Variants in RBM5 observed in about 807,000 individuals in gnomAD.
RBM5 encodes RNA-binding protein 5.
RBM5 carries 15 observed loss-of-function variants against 124.6 expected under a neutral mutation model. The ratio of observed to expected loss-of-function variants is 0.12; its 90% confidence interval spans 0.08 to 0.19. The LOEUF is 0.19. Among genes scored for constraint, RBM5 ranks in the 10% least tolerant of loss-of-function variants. RBM5 has a pLI of 1.00. For missense variants in RBM5, 580 were observed against 1,026.5 expected, an observed-to-expected ratio of 0.57 and a Z score of 5.94; for synonymous variants, 337 against 361.2, an observed-to-expected ratio of 0.93 and a Z score of 0.76.
rs2090916498 is a variant in RBM5, at chr3:50,100,412, G to A, written c.410-120G>A. ...AAGATCCCCAAGTCAAGTCACATTT[G>A]TAAAGCTGCTTCCCAATTGGCTTTG... On this transcript the variant is annotated intron_variant, in intron 5 of 24. Coordinates refer to ENST00000347869, the MANE Select transcript of RBM5 (RefSeq NM_005778.4). The surrounding 1 kb of genome is among the most constrained non-coding windows in gnomAD (Gnocchi z 5.1). 1.2e-6 allele frequency: 1 copy of A among 833,408 alleles called. No individual in the cohort carries two copies. The highest frequency in any genetic ancestry group is 1.8e-5 in the South Asian group (1 of 55,222). The allele number at this position is 833,408 out of a possible 1,614,324, so 51.6% of individuals were successfully genotyped here. A position where few individuals can be genotyped will look rare whatever the true frequency, so the allele number is the denominator to read the frequency against.
chr3:50,109,582 A>G, intron 14 of RBM5, 21 bp from the exon 15 acceptor site: 1 of 1,607,482 alleles, frequency 6.2e-7, no homozygotes, highest in Non-Finnish European at 8.5e-7. Context: ...GGCTTTCCCT[A>G]ACACTTGTGT....
intron 12 of RBM5, 49 bp from the exon 13 acceptor site, chr3:50,108,021 T>C (rs768624958): frequency 2.2e-4 from 336 of 1,495,728 alleles, no homozygotes; most frequent in Non-Finnish European, 3.0e-4. Flanking sequence ...TGAATTTTTT[T>C]CCTTAATGCC....
Position 50,106,832 on chromosome 3 carries a change from T to G in RBM5, c.921T>G (p.Thr307=). 2 of 1,612,872 alleles carry G rather than the reference T, an allele frequency of 1.2e-6. No individual in the cohort carries two copies. Among genetic ancestry groups the G allele is most frequent in the Non-Finnish European group, 1.7e-6 (2 of 1,178,816 alleles). ...LHPPLKIDGK[T]IGVDFAKSAR... Reference sequence around the variant, plus strand: ...CTCCTTTGAAAATTGATGGCAAAACTATTGGGGTTGATTTTGCAAAAAGTG... The same window carrying G: ...CTCCTTTGAAAATTGATGGCAAAACGATTGGGGTTGATTTTGCAAAAAGTG... The change falls in exon 11 of 25, where the codon ACT becomes ACG. Residue 307 remains threonine, a synonymous_variant. Coordinates refer to ENST00000347869, the MANE Select transcript of RBM5 (RefSeq NM_005778.4).
rs1361013325 is a variant in RBM5, at chr3:50,118,397, G to A, written c.2389G>A (p.Asp797Asn). Residue 797 changes from aspartate (D) to asparagine (N), a missense_variant, in exon 25 of 25, where the codon GAT becomes AAT. Transcript: ENST00000347869. Reference protein sequence around the residue: ...KGSAYGLSGADSYKDAVRKAM... With the variant: ...KGSAYGLSGANSYKDAVRKAM... ...CAGCGCATATGGTTTGTCGGGCGCC[G>A]ATTCCTACAAAGATGCTGTCCGGAA... 4 of 1,614,124 alleles carry A rather than the reference G, an allele frequency of 2.5e-6. No homozygotes were observed. The highest frequency in any genetic ancestry group is 1.7e-5 in the Admixed American group (1 of 60,010).
chr3:50,116,285 T>C (rs1321353802), intron 22 of RBM5: 21 of 313,032 alleles, frequency 6.7e-5, no homozygotes, highest in Non-Finnish European at 2.4e-5. Context: ...TAGTTTGGCC[T>C]GGCCAGGGAA....
chr3:50,093,211 G>A (rs1418069089), intron 3 of RBM5, among the ~76,000 whole-genome samples: 7 of 148,214 alleles, frequency 4.7e-5, no homozygotes, highest in East Asian at 2.0e-4. Context: ...AGGCCGAGGC[G>A]GGCGGATCAT....
intron 6 of RBM5, chr3:50,101,189 C>T (rs983487498): frequency 6.6e-6 from 1 of 152,168 alleles, no homozygotes; most frequent in Non-Finnish European, 1.5e-5. Context: ...TTGAGAATGC[C>T]TTTTATAGTC....
Position 50,114,049 on chromosome 3 carries a change from A to G in RBM5, c.1717A>G (p.Arg573Gly). ...QPVNSLREEE[R>G]RESAAADAGF... ...TGTCAATTCCTTGAGGGAAGAAGAAAGGAGAGAATCTGCTGCAGCAGACGC... is the reference window on the plus strand; with the variant it reads ...TGTCAATTCCTTGAGGGAAGAAGAAGGGAGAGAATCTGCTGCAGCAGACGC... Residue 573 changes from arginine to glycine, a missense_variant, in exon 19 of 25, where the codon AGG (arginine) becomes GGG (glycine). Transcript: ENST00000347869. 6 of 1,614,238 alleles carry G rather than the reference A, an allele frequency of 3.7e-6. No individual in the cohort carries two copies. The highest frequency in any genetic ancestry group is 5.1e-6 in the Non-Finnish European group (6 of 1,180,040).
At chr3:50,101,638 G>A (rs1033673769) in intron 6 of RBM5, 2 of 152,196 alleles carry the variant, frequency 1.3e-5, no homozygotes, top group African/African-American at 4.8e-5. Flanking sequence ...AGGTTCATGT[G>A]AGTCTGCTTT....
chr3:50,105,785 ACTGT>A lies in RBM5; in HGVS notation c.855+80_855+83del, dbSNP rs1425248625. The A allele has an allele frequency of 1.7e-5, 26 of 1,503,678 alleles. No homozygotes were observed. The Admixed American group carries it at 2.5e-4, about 15-fold the overall frequency. The allele number at this position is 1,503,678 out of a possible 1,614,324, so 93.1% of individuals were successfully genotyped here. On this transcript the variant is annotated intron_variant, in intron 10 of 24. Coordinates refer to ENST00000347869, the MANE Select transcript of RBM5 (RefSeq NM_005778.4). ...CAAATGTGGTTCATCCAGTTTTGAAACTGTCTGAGGCTCCTAAAGCCCAAGATGC... is the reference window on the plus strand; with the variant it reads ...CAAATGTGGTTCATCCAGTTTTGAAACTGAGGCTCCTAAAGCCCAAGATGC...
rs112198066 is a variant in RBM5 at position 50,090,576 on chromosome 3, A to G, written c.17+125A>G. ...CCAGGCATTGCTAACGAACACCTTTATGATCCTGTTGTCACAAACTACAGT... is the reference window on the plus strand; with the variant it reads ...CCAGGCATTGCTAACGAACACCTTTGTGATCCTGTTGTCACAAACTACAGT... On this transcript the variant is annotated intron_variant, in intron 2 of 24. Transcript: ENST00000347869. 802 of 1,081,718 alleles carry G rather than the reference A, an allele frequency of 7.4e-4. 6 individuals are homozygous for G. The African/African-American group carries it at 0.012, about 16-fold the overall frequency. 67.0% of individuals were successfully genotyped at this position (1,081,718 alleles called of 1,614,324 possible).
chr3:50,106,731 G>A, intron 10 of RBM5, 36 bp from the exon 11 acceptor site: 3 of 1,436,244 alleles, frequency 2.1e-6, no homozygotes, highest in Non-Finnish European at 2.9e-6. Context: ...ATTTTTAATT[G>A]CATTACACGT....
Position 50,117,423 on chromosome 3 carries a change from C to G in RBM5, c.2322+44C>G. ...TCTTGATGTTTGCCAGGCTTACAGG[C>G]CGGTTCCAGAGATGAGATCAGAGCA... On this transcript the variant is annotated intron_variant, in intron 24 of 24. Coordinates refer to ENST00000347869, the MANE Select transcript of RBM5 (RefSeq NM_005778.4). This position sits in a 1 kb window ranked among gnomAD's most constrained non-coding sequence, Gnocchi z 4.2. 2 of 1,608,850 alleles carry G rather than the reference C, an allele frequency of 1.2e-6. No individual in the cohort carries two copies. Among genetic ancestry groups the G allele is most frequent in the Non-Finnish European group, 1.7e-6 (2 of 1,177,480 alleles).
intron 14 of RBM5, among the ~76,000 whole-genome samples, chr3:50,108,596 A>G (rs1279260439): frequency 1.3e-5 from 2 of 152,040 alleles, no homozygotes; most frequent in Non-Finnish European, 1.5e-5. Context: ...AATCCCAGCT[A>G]CTCAGGAGGC....
chr3:50,116,155 C>G (rs529159361), intron 22 of RBM5, 175 bp downstream of exon 22: 1 of 607,238 alleles, frequency 1.6e-6, no homozygotes, highest in African/African-American at 1.8e-5. Context: ...CCTTGTGAGC[C>G]TCACATTGTC....
chr3:50,098,523 A>G (rs948455688), intron 4 of RBM5, among the ~76,000 whole-genome samples: 4 of 151,762 alleles, frequency 2.6e-5, no homozygotes, highest in Admixed American at 6.6e-5. Flanking sequence ...GCTCACTGCA[A>G]CCTCCGCCTC....
chr3:50,100,703 CT>C lies in RBM5; in HGVS notation c.483+106del. 39 of 923,274 alleles carry C rather than the reference CT, an allele frequency of 4.2e-5. No individual in the cohort carries two copies. The highest frequency in any genetic ancestry group is 7.9e-5 in the East Asian group (3 of 38,014). The allele number at this position is 923,274 out of a possible 1,614,324, so 57.2% of individuals were successfully genotyped here. A position where few individuals can be genotyped will look rare whatever the true frequency, so the allele number is the denominator to read the frequency against. ...GGAGTGGTTTGTTCCAAAGGAGTGA[CT>C]TTTTTTTAAAAAAAAAGCTTTGTAT... On this transcript the variant is annotated intron_variant, in intron 6 of 24. Coordinates refer to ENST00000347869, the MANE Select transcript of RBM5 (RefSeq NM_005778.4). This position sits in a 1 kb window ranked among gnomAD's most constrained non-coding sequence, Gnocchi z 5.1.
intron 4 of RBM5, among the ~76,000 whole-genome samples, chr3:50,097,990 C>G (rs1356852323): frequency 6.6e-6 from 1 of 152,042 alleles, no homozygotes; most frequent in East Asian, 1.9e-4. Context: ...GTCCCAGCTA[C>G]TCTTGAGGCT....
chr3:50,113,801 A>G (rs1450486800), intron 18 of RBM5, 149 bp from the exon 19 acceptor site: 2 of 1,037,588 alleles, frequency 1.9e-6, no homozygotes, highest in South Asian at 1.7e-5. Flanking sequence ...GTTATATGTG[A>G]TAACATCTAA....
Sources: gnomAD v4.1 joint callset for allele counts (sites outside exome capture counted in the v4.1 genomes callset) on GRCh38, gnomAD v4.1.1 for gene constraint, Gnocchi (gnomAD v3.1) non-coding constraint, MANE v1.5 for transcripts, NCBI Gene and HGNC (gene_info 2026-07-23, HGNC 2026-07-21) for gene names.